The following INPP5A variants were observed in gnomAD, a reference collection of about 807,000 sequenced individuals.
INPP5A encodes the protein inositol polyphosphate-5-phosphatase A, also known as 43 kDa inositol polyphosphate 5-phophatase.
Under a neutral mutation model 65.2 loss-of-function variants are expected in INPP5A, and 14 were observed. The ratio of observed to expected loss-of-function variants is 0.21; its 90% CI spans 0.14 to 0.34. The LOEUF (loss-of-function observed/expected upper bound fraction) is 0.34. Ranked by LOEUF, INPP5A falls within the 10% of genes least tolerant of loss-of-function variation. INPP5A has a pLI of 1.00. For missense variants in INPP5A, 431 were observed against 545.6 expected (o/e 0.79, Z 2.09); for synonymous variants, 207 against 208.3 (o/e 0.99, Z 0.05).
rs1189472140 is a variant in INPP5A at position 132,659,410 on chromosome 10, G to A, written c.306+8905G>A. Among the ~76,000 whole-genome samples the A allele has an allele frequency of 1.3e-5, 2 of 152,228 alleles. No individual in the cohort carries two copies. Among genetic ancestry groups the A allele is most frequent in the Non-Finnish European group, 2.9e-5 (2 of 68,032 alleles). ...TTCCCTAGCTCTGGGTGAGGCGGGA[G>A]TGGTGGGCAGTGCTGGCCATGAGGT... On this transcript the variant is annotated intron_variant, in intron 4 of 15. Transcript: ENST00000368594. This position sits in a 1 kb window ranked among gnomAD's most constrained non-coding sequence, Gnocchi z 5.5.
chr10:132,563,182 T>G (rs1374983213), intron 1 of INPP5A, among the ~76,000 whole-genome samples: 1 of 152,220 alleles, frequency 6.6e-6, no homozygotes, highest in African/African-American at 2.4e-5. Context: ...GCAGCCACAC[T>G]TGGCGGCTGT....
chr10:132,737,549 C>T (rs1014472344), intron 9 of INPP5A, among the ~76,000 whole-genome samples: 1 of 152,242 alleles, frequency 6.6e-6, no homozygotes, highest in Non-Finnish European at 1.5e-5. Flanking sequence ...GCACTGCCCT[C>T]GCCACGTGCC....
chr10:132,739,793 C>T (rs1590972503), intron 9 of INPP5A, among the ~76,000 whole-genome samples: 2 of 152,308 alleles, frequency 1.3e-5, no homozygotes, highest in Non-Finnish European at 1.5e-5. Flanking sequence ...GTGAGGCCCT[C>T]GCCATGCCCC....
intron 8 of INPP5A, among the ~76,000 whole-genome samples, chr10:132,719,727 C>T (rs1411908870): frequency 6.7e-5 from 10 of 149,196 alleles, no homozygotes; most frequent in South Asian, 2.1e-4. Flanking sequence ...GCGCCTTAGA[C>T]GGCTGTCTTC....
At chr10:132,750,423 G>T (rs113079143) in intron 11 of INPP5A, among the ~76,000 whole-genome samples, 2 of 152,268 alleles carry the variant, frequency 1.3e-5, no homozygotes, top group African/African-American at 2.4e-5. Flanking sequence ...TCCACGGAGA[G>T]GTGGCCCCTG....
rs755829980 is a variant in INPP5A, at chr10:132,627,906, G to C, written c.118-17962G>C. ...GAGGTGCCCAGGCTGGAGTGGCGGC[G>C]TCGGGTGTGGAGAGAAACTGGAGAT... On this transcript the variant is annotated intron_variant, in intron 2 of 15. Coordinates refer to ENST00000368594, the MANE Select transcript of INPP5A (RefSeq NM_005539.5). The surrounding 1 kb of genome is among the most constrained non-coding windows in gnomAD (Gnocchi z 6.6). 6.6e-6 allele frequency among the ~76,000 whole-genome samples: 1 copy of C among 152,154 alleles called. No individual in the cohort carries two copies. Among genetic ancestry groups the C allele is most frequent in the Non-Finnish European group, 1.5e-5 (1 of 68,034 alleles).
At chr10:132,541,869 T>A (rs2070910527) in intron 1 of INPP5A, among the ~76,000 whole-genome samples, 1 of 152,236 alleles carries the variant, frequency 6.6e-6, no homozygotes, top group African/African-American at 2.4e-5. Context: ...TTTCCCAGGC[T>A]TATGCAGACT....
intron 9 of INPP5A, among the ~76,000 whole-genome samples, chr10:132,748,305 T>G (rs1846408496): frequency 6.6e-6 from 1 of 152,164 alleles, no homozygotes; most frequent in African/African-American, 2.4e-5. Context: ...TGTGCCCTCC[T>G]CCACCCACAC....
chr10:132,641,975 G>A (rs1009727045), intron 2 of INPP5A, among the ~76,000 whole-genome samples: 2 of 152,238 alleles, frequency 1.3e-5, no homozygotes, highest in African/African-American at 4.8e-5. Context: ...CACCAGCAGG[G>A]CTCCCCAGTG....
intron 4 of INPP5A, among the ~76,000 whole-genome samples, chr10:132,658,014 A>T (rs908627951): frequency 6.6e-6 from 1 of 152,268 alleles, no homozygotes; most frequent in Non-Finnish European, 1.5e-5. Flanking sequence ...CTGGGGCTGC[A>T]GTGAAGGTGA....
At chr10:132,670,560 C>T (rs1209555591) in intron 4 of INPP5A, among the ~76,000 whole-genome samples, 1 of 150,950 alleles carries the variant, frequency 6.6e-6, no homozygotes, top group Non-Finnish European at 1.5e-5. Flanking sequence ...GTCAGCCCCT[C>T]CTTGCTGGGG....
intron 6 of INPP5A, among the ~76,000 whole-genome samples, chr10:132,699,897 G>A (rs866433075): frequency 6.6e-6 from 1 of 152,180 alleles, no homozygotes; most frequent in African/African-American, 2.4e-5. Context: ...ACTGAAGTTG[G>A]GCAAGATCTG....
intron 12 of INPP5A, 123 bp downstream of exon 12, chr10:132,765,969 C>T (rs1846834866): frequency 1.4e-6 from 1 of 693,662 alleles, no homozygotes; most frequent in Admixed American, 2.1e-5. Context: ...TGTGTGCATT[C>T]TGTGTGCATC....
intron 9 of INPP5A, among the ~76,000 whole-genome samples, chr10:132,734,415 G>C (rs905178709): frequency 2.6e-5 from 4 of 152,250 alleles, no homozygotes; most frequent in Non-Finnish European, 5.9e-5. Context: ...TTGCAGCTGG[G>C]AAGTATCAGG....
intron 5 of INPP5A, among the ~76,000 whole-genome samples, chr10:132,696,643 C>T (rs1031242714): frequency 6.6e-6 from 1 of 152,196 alleles, no homozygotes; most frequent in African/African-American, 2.4e-5. Context: ...GTGAAAGGAT[C>T]CGTGGTGTCT....
chr10:132,547,749 C>T lies in INPP5A; in HGVS notation c.75+9578C>T, dbSNP rs947440875. ...GGTTTTCCTCCTTCACGGGACAGCCCGCGTGCCCCCAGCCCTGTGACGCGC... is the reference window on the plus strand; with the variant it reads ...GGTTTTCCTCCTTCACGGGACAGCCTGCGTGCCCCCAGCCCTGTGACGCGC... On this transcript the variant is annotated intron_variant, in intron 1 of 15. Coordinates refer to ENST00000368594, the MANE Select transcript of INPP5A (RefSeq NM_005539.5). The surrounding 1 kb of genome is among the most constrained non-coding windows in gnomAD (Gnocchi z 5.5). Among the ~76,000 whole-genome samples, 6 of 152,148 alleles carry T rather than the reference C, an allele frequency of 3.9e-5. No homozygotes were observed. The highest frequency in any genetic ancestry group is 1.2e-4 in the African/African-American group (5 of 41,420).
rs533775396 is a variant in INPP5A at position 132,705,520 on chromosome 10, G to A, written c.475-2793G>A. 1.3e-5 allele frequency among the ~76,000 whole-genome samples: 2 copies of A among 152,356 alleles called. No individual in the cohort carries two copies. The highest frequency in any genetic ancestry group is 2.4e-5 in the African/African-American group (1 of 41,580). On this transcript the variant is annotated intron_variant, in intron 6 of 15. Transcript: ENST00000368594. This position sits in a 1 kb window ranked among gnomAD's most constrained non-coding sequence, Gnocchi z 4.9. ...CGTGGTGTGAGGACGGATCCTCCTC[G>A]ACGAGTAGAGCCATAGCCTGGCGTC... is the stretch of plus-strand genomic sequence containing the variant.
chr10:132,647,124 T>G (rs1392713888), intron 3 of INPP5A, among the ~76,000 whole-genome samples: 1 of 151,962 alleles, frequency 6.6e-6, no homozygotes, highest in Non-Finnish European at 1.5e-5. Context: ...TCTTTTTTTT[T>G]TTTTGTTTTG....
At chr10:132,602,081 G>A (rs777612729) in intron 1 of INPP5A, among the ~76,000 whole-genome samples, 4 of 152,160 alleles carry the variant, frequency 2.6e-5, no homozygotes, top group Admixed American at 6.5e-5. Flanking sequence ...TCTTAATAAC[G>A]TTAACTCCAG....
Sources: allele counts gnomAD v4.1 joint callset (sites outside exome capture counted in the v4.1 genomes callset), GRCh38; gene constraint gnomAD v4.1.1; non-coding constraint Gnocchi (gnomAD v3.1); transcripts MANE v1.5; gene names NCBI Gene and HGNC (gene_info 2026-07-23, HGNC 2026-07-21).